The following OCLN variants were observed in gnomAD, a reference collection of about 807,000 sequenced individuals.
The protein encoded by OCLN is phosphatase 1, regulatory subunit 115.
A neutral mutation model predicts 47.9 loss-of-function variants in OCLN; 21 were observed. The ratio of observed to expected loss-of-function variants is 0.44; its 90% confidence interval spans 0.31 to 0.63. The LOEUF is 0.63. OCLN is among the 30% of genes least tolerant of loss of function. The pLI is 0.08. For missense variants in OCLN, 360 were observed against 571.0 expected (o/e 0.63, Z 3.77); for synonymous variants, 117 against 198.4 (o/e 0.59, Z 3.45).
At chr5:69,508,962 A>G (rs988320694) in intron 2 of OCLN, among the ~76,000 whole-genome samples, 179 bp from the exon 3 acceptor site, 1 of 152,224 alleles carries the variant, frequency 6.6e-6, no homozygotes, top group African/African-American at 2.4e-5. Flanking sequence ...GTCTGAGCAG[A>G]ATGGGTTGTG....
At chr5:69,524,504 G>C (rs1769224735) in intron 4 of OCLN, among the ~76,000 whole-genome samples, 1 of 152,152 alleles carries the variant, frequency 6.6e-6, no homozygotes, top group African/African-American at 2.4e-5. Context: ...GTAGTGTCTT[G>C]GCATTTGCCT....
At chr5:69,499,569 CTTTTTCTTGTGGTT>C (rs1768396554) in intron 1 of OCLN, among the ~76,000 whole-genome samples, 1 of 151,784 alleles carries the variant, frequency 6.6e-6, no homozygotes, top group South Asian at 2.1e-4. Context: ...TTCTTGAAGA[CTTTTTCTTGTGGTT>C]TTTTTCTTTC....
intron 2 of OCLN, among the ~76,000 whole-genome samples, chr5:69,508,463 C>A (rs865950043): frequency 1.1e-4 from 17 of 152,264 alleles, no homozygotes; most frequent in Middle Eastern, 6.8e-3. Flanking sequence ...GCCTCAGCCT[C>A]CTGAGTAGCT....
chr5:69,498,866 A>G (rs28846368), intron 1 of OCLN, among the ~76,000 whole-genome samples: 12,237 of 151,988 alleles, frequency 0.081, 696 homozygotes, highest in Non-Finnish European at 0.12. Flanking sequence ...TTTAGTAGAG[A>G]CAGGGTTTCA....
chr5:69,510,691 A>G (rs531803460), intron 3 of OCLN, among the ~76,000 whole-genome samples: 30 of 152,322 alleles, frequency 2.0e-4, no homozygotes, highest in Non-Finnish European at 3.2e-4. Flanking sequence ...CTCAAAAAAA[A>G]AGAATCATGC....
At position 69,553,921 on chromosome 5, in the gene OCLN, T is replaced by G. The variant is rs1387422232; in HGVS notation, c.*250T>G. Reference sequence around the variant, plus strand: ...CTTGTATTAAGAATGAAATACTGTTTGAGGTTTTTAAGCCTTAAAGGAAGG... The same window carrying G: ...CTTGTATTAAGAATGAAATACTGTTGGAGGTTTTTAAGCCTTAAAGGAAGG... On this transcript the variant is annotated 3_prime_UTR_variant, in exon 9 of 9. Transcript: ENST00000396442. 6.7e-6 allele frequency: 3 copies of G among 445,176 alleles called. No individual in the cohort carries two copies. Among genetic ancestry groups the G allele is most frequent in the African/African-American group, 6.2e-5 (3 of 48,222 alleles). The allele number at this position is 445,176 out of a possible 1,614,324, so 27.6% of individuals were successfully genotyped here.
intron 4 of OCLN, among the ~76,000 whole-genome samples, chr5:69,525,775 A>G (rs1320249979): frequency 3.3e-5 from 5 of 152,146 alleles, no homozygotes; most frequent in African/African-American, 1.2e-4. Flanking sequence ...TATAGATATG[A>G]CAAGCCAAAG....
chr5:69,519,240 T>G (rs981912912), intron 4 of OCLN, among the ~76,000 whole-genome samples: 1 of 152,236 alleles, frequency 6.6e-6, no homozygotes, highest in Non-Finnish European at 1.5e-5. Context: ...ATTATGTTAC[T>G]AAATCTTACT....
intron 2 of OCLN, among the ~76,000 whole-genome samples, chr5:69,507,085 A>T (rs1029925828): frequency 6.6e-6 from 1 of 152,156 alleles, no homozygotes; most frequent in Non-Finnish European, 1.5e-5. Context: ...ACCTGCTTTT[A>T]TCATTTTATC....
At chr5:69,531,668 A>T (rs1231507142) in intron 4 of OCLN, among the ~76,000 whole-genome samples, 3 of 152,214 alleles carry the variant, frequency 2.0e-5, no homozygotes, top group Non-Finnish European at 4.4e-5. Flanking sequence ...CAACCCACCC[A>T]CTGGTTTCGC....
intron 4 of OCLN, among the ~76,000 whole-genome samples, chr5:69,533,066 TATAC>T (rs1374041699): frequency 6.7e-6 from 1 of 148,576 alleles, no homozygotes; most frequent in African/African-American, 2.5e-5. Flanking sequence ...TACATATATA[TATAC>T]ACACACATAT....
intron 1 of OCLN, among the ~76,000 whole-genome samples, chr5:69,501,631 G>GA (rs33957614): frequency 0.026 from 3,715 of 145,620 alleles, 147 homozygotes; most frequent in African/African-American, 0.091. Flanking sequence ...TGTCTCAAAA[G>GA]AAAAAAAAAA....
intron 3 of OCLN, among the ~76,000 whole-genome samples, chr5:69,511,747 G>A (rs1481409236): frequency 6.6e-6 from 1 of 151,980 alleles, no homozygotes; most frequent in East Asian, 1.9e-4. Flanking sequence ...GTTTTGGGCC[G>A]GGCATGGTAG....
chr5:69,494,545 A>C (rs1392303270), intron 1 of OCLN, among the ~76,000 whole-genome samples: 1 of 152,248 alleles, frequency 6.6e-6, no homozygotes, highest in Non-Finnish European at 1.5e-5. Flanking sequence ...TGTGGGAGGC[A>C]GAGATATTTC....
chr5:69,533,940 G>A lies in OCLN; in HGVS notation c.892-754G>A, dbSNP rs532195362. 3.8e-4 allele frequency among the ~76,000 whole-genome samples: 58 copies of A among 152,296 alleles called. No individual in the cohort carries two copies. The East Asian group carries it at 4.1e-3, about 11-fold the overall frequency. On this transcript the variant is annotated intron_variant, in intron 4 of 8. Transcript: ENST00000396442. ...CTCCCCAAGTGCTGGGATTACAGGC[G>A]TGAGCCACCGCGCCCGGCCTATTAA...
chr5:69,509,963 T>A (rs1205202315), intron 3 of OCLN, 144 bp downstream of exon 3: 6 of 725,380 alleles, frequency 8.3e-6, no homozygotes, highest in African/African-American at 7.0e-5. Context: ...AGGGGCTGAG[T>A]CTCATTAAGA....
intron 3 of OCLN, among the ~76,000 whole-genome samples, chr5:69,512,522 A>G (rs549574949): frequency 6.6e-6 from 1 of 152,166 alleles, no homozygotes; most frequent in African/African-American, 2.4e-5. Flanking sequence ...TGTTTTGGCT[A>G]GATTCTGGAT....
rs1460936809 is a variant in OCLN, at chr5:69,548,308, C to A, written c.1425+207C>A. ...TATAATAGTTAATAATTACAAAGCACTATTCTGTTTTTTTTTTTTTTTTGA... is the reference window on the plus strand; with the variant it reads ...TATAATAGTTAATAATTACAAAGCAATATTCTGTTTTTTTTTTTTTTTTGA... On this transcript the variant is annotated intron_variant, in intron 7 of 8. Coordinates refer to ENST00000396442, the MANE Select transcript of OCLN (RefSeq NM_001205254.2). 7.0e-5 allele frequency among the ~76,000 whole-genome samples: 10 copies of A among 142,030 alleles called. 1 individual carries two copies. Among genetic ancestry groups the A allele is most frequent in the Non-Finnish European group, 1.2e-4 (8 of 64,900 alleles). 93.2% of individuals were successfully genotyped at this position (142,030 alleles called of 152,430 possible).
intron 1 of OCLN, among the ~76,000 whole-genome samples, chr5:69,495,293 C>T (rs916301068): frequency 6.6e-6 from 1 of 152,132 alleles, no homozygotes; most frequent in East Asian, 1.9e-4. Context: ...GCCGCTGTTC[C>T]GTAACCCAGT....
Sources: allele counts gnomAD v4.1 joint callset (sites outside exome capture counted in the v4.1 genomes callset), GRCh38; gene constraint gnomAD v4.1.1; transcripts MANE v1.5; gene names NCBI Gene and HGNC (gene_info 2026-07-23, HGNC 2026-07-21).